BBS9: variants seen among roughly 807,000 people sequenced by gnomAD.
The protein encoded by BBS9 is protein PTHB1.
BBS9 carries 89 observed loss-of-function variants against 117.7 expected under a neutral mutation model. That is an observed-to-expected ratio of 0.76 (90% CI 0.64 to 0.90). BBS9 has a LOEUF of 0.90. Among genes scored for constraint, BBS9 ranks in the 40% least tolerant of loss-of-function variants. The pLI, the probability that BBS9 is intolerant of heterozygous loss-of-function variation, is 0.00. For missense variants in BBS9, 982 were observed against 1,042.2 expected (o/e 0.94, Z 0.80); for synonymous variants, 379 against 370.9 (o/e 1.02, Z -0.25).
chr7:33,273,215 T>A lies in BBS9; in HGVS notation c.886+20T>A. The A allele has an allele frequency of 6.2e-7, 1 of 1,612,958 alleles. No individual in the cohort carries two copies. The highest frequency in any genetic ancestry group is 8.5e-7 in the Non-Finnish European group (1 of 1,179,174). On this transcript the variant is annotated intron_variant, in intron 8 of 22. Transcript: ENST00000242067. ...GCTCAGGTGTGTAGAAAGATTTTCT[T>A]TTATCTCTTCCATATGTCAAGGCTA...
At chr7:33,341,460 C>T (rs574637465) in intron 11 of BBS9, among the ~76,000 whole-genome samples, 1 of 152,076 alleles carries the variant, frequency 6.6e-6, no homozygotes, top group Non-Finnish European at 1.5e-5. Context: ...TGGTCCAATA[C>T]TTAATTTTTC....
At chr7:33,354,211 T>C (rs1819214728) in intron 15 of BBS9, among the ~76,000 whole-genome samples, 1 of 152,172 alleles carries the variant, frequency 6.6e-6, no homozygotes, top group African/African-American at 2.4e-5. Flanking sequence ...AGTTGAAATA[T>C]TCAGCGGCAC....
At chr7:33,496,385 A>T (rs1042470010) in intron 19 of BBS9, among the ~76,000 whole-genome samples, 3 of 152,028 alleles carry the variant, frequency 2.0e-5, no homozygotes, top group Admixed American at 1.3e-4. Flanking sequence ...GGCACCTGTA[A>T]TCCCAGCTCC....
chr7:33,175,322 A>C (rs557132690), intron 4 of BBS9, among the ~76,000 whole-genome samples: 22 of 151,902 alleles, frequency 1.4e-4, no homozygotes, highest in East Asian at 3.9e-4. Context: ...ATAAAAAAAA[A>C]AACAACAAAA....
chr7:33,573,287 G>T (rs574741961), intron 21 of BBS9, among the ~76,000 whole-genome samples: 2 of 152,106 alleles, frequency 1.3e-5, no homozygotes, highest in Non-Finnish European at 2.9e-5. Flanking sequence ...TGCTATTGGT[G>T]TGTTATTGCT....
intron 9 of BBS9, among the ~76,000 whole-genome samples, chr7:33,279,993 G>A (rs1801506273): frequency 6.6e-6 from 1 of 152,118 alleles, no homozygotes; most frequent in Non-Finnish European, 1.5e-5. Context: ...AAACTTTGCT[G>A]GCAGCTCACA....
In BBS9 at chr7:33,435,586, CT is replaced by C. The variant is rs1835182249; in HGVS notation, c.2115+47444del. Among the ~76,000 whole-genome samples, 5 of 152,092 alleles carry C rather than the reference CT, an allele frequency of 3.3e-5. No individual in the cohort carries two copies. In the South Asian group the frequency reaches 1.0e-3, roughly 32 times the overall value. On this transcript the variant is annotated intron_variant, in intron 19 of 22. Transcript: ENST00000242067. ...CCTTCAAAAATGTTTTTGTCTTCTCCTTGCAATATAGATGCATCAATAGATA... is the reference window on the plus strand; with the variant it reads ...CCTTCAAAAATGTTTTTGTCTTCTCCTGCAATATAGATGCATCAATAGATA...
At chr7:33,291,886 C>A (rs1562946812) in intron 9 of BBS9, among the ~76,000 whole-genome samples, 1 of 152,094 alleles carries the variant, frequency 6.6e-6, no homozygotes, top group Non-Finnish European at 1.5e-5. Flanking sequence ...GGACTGGAGT[C>A]CTGTGGTGTG....
chr7:33,182,082 G>A (rs552292792), intron 5 of BBS9, among the ~76,000 whole-genome samples: 3 of 150,092 alleles, frequency 2.0e-5, no homozygotes, highest in Non-Finnish European at 3.0e-5. Context: ...GCGAGACTCC[G>A]TCTCAAACAA....
In BBS9 at chr7:33,287,201, CA is replaced by C. The variant is rs1223777713; in HGVS notation, c.1016+13247del. 2.0e-5 allele frequency among the ~76,000 whole-genome samples: 3 copies of C among 152,146 alleles called. No individual in the cohort carries two copies. The South Asian group carries it at 6.2e-4, about 31-fold the overall frequency. ...AATCAAAAGGAAATGCAAGAATTAG[CA>C]ATTTTTATTGCTTGCTATGCACTAG... On this transcript the variant is annotated intron_variant, in intron 9 of 22. Transcript: ENST00000242067.
chr7:33,376,965 G>A (rs1824010944), intron 17 of BBS9, among the ~76,000 whole-genome samples: 1 of 151,968 alleles, frequency 6.6e-6, no homozygotes, highest in Non-Finnish European at 1.5e-5. Context: ...CCAGTGCATA[G>A]TTTACAAATA....
intron 5 of BBS9, among the ~76,000 whole-genome samples, chr7:33,212,327 T>C (rs1182100867): frequency 6.6e-6 from 1 of 152,236 alleles, no homozygotes; most frequent in Non-Finnish European, 1.5e-5. Flanking sequence ...TTCTTCTGTT[T>C]GATCAATTCT....
intron 5 of BBS9, among the ~76,000 whole-genome samples, chr7:33,236,993 A>G (rs1297300378): frequency 2.0e-5 from 3 of 152,142 alleles, no homozygotes; most frequent in South Asian, 2.1e-4. Context: ...CTGTTGATGT[A>G]TATCTAATGC....
intron 19 of BBS9, among the ~76,000 whole-genome samples, chr7:33,432,004 A>G (rs1834547007): frequency 6.6e-6 from 1 of 152,174 alleles, no homozygotes; most frequent in African/African-American, 2.4e-5. Flanking sequence ...ATGAGCAGCA[A>G]TGAAAGAGTA....
chr7:33,447,849 TGG>T (rs1837219048), intron 19 of BBS9, among the ~76,000 whole-genome samples: 1 of 152,222 alleles, frequency 6.6e-6, no homozygotes, highest in East Asian at 1.9e-4. Flanking sequence ...TAAGGAAAGA[TGG>T]ATATATGTTG....
At chr7:33,595,689 ATAC>A (rs1862636450) in intron 21 of BBS9, among the ~76,000 whole-genome samples, 1 of 152,196 alleles carries the variant, frequency 6.6e-6, no homozygotes, top group Non-Finnish European at 1.5e-5. Context: ...TACTGGGTAT[ATAC>A]CCAAAGGAAT....
chr7:33,418,157 C>T (rs1043779262), intron 19 of BBS9, among the ~76,000 whole-genome samples: 1 of 152,162 alleles, frequency 6.6e-6, no homozygotes, highest in Non-Finnish European at 1.5e-5. Context: ...TCTCAAGCAG[C>T]ATTGTATTGG....
intron 21 of BBS9, among the ~76,000 whole-genome samples, chr7:33,590,674 C>T (rs1221186709): frequency 6.6e-6 from 1 of 151,768 alleles, no homozygotes; most frequent in Non-Finnish European, 1.5e-5. Flanking sequence ...GATGCTGATG[C>T]TGTAAATGCT....
chr7:33,140,223 A>G (rs1791226478), intron 1 of BBS9, among the ~76,000 whole-genome samples: 3 of 151,928 alleles, frequency 2.0e-5, no homozygotes, highest in Admixed American at 6.6e-5. Flanking sequence ...ATGGGGTTTC[A>G]CCGTGTTAGC....
Sources: allele counts gnomAD v4.1 joint callset (sites outside exome capture counted in the v4.1 genomes callset), GRCh38; gene constraint gnomAD v4.1.1; transcripts MANE v1.5; gene names NCBI Gene and HGNC (gene_info 2026-07-23, HGNC 2026-07-21).